The following ADCY10 variants were observed in gnomAD, a reference collection of about 807,000 sequenced individuals.
ADCY10 encodes the protein adenylate cyclase 10.
Under a neutral mutation model 183.3 loss-of-function variants are expected in ADCY10, and 156 were observed. The ratio of observed to expected loss-of-function variants is 0.85; its 90% CI spans 0.75 to 0.97. The LOEUF (loss-of-function observed/expected upper bound fraction) is 0.97. Among genes scored for constraint, ADCY10 ranks in the 50% least tolerant of loss-of-function variants. The pLI, the probability that ADCY10 is intolerant of heterozygous loss-of-function variation, is 0.00. For missense variants in ADCY10, 1,745 were observed against 1,934.3 expected (o/e 0.90, Z 1.84); for synonymous variants, 645 against 670.0 (o/e 0.96, Z 0.58).
chr1:167,856,675 T>A (rs1376326764), intron 16 of ADCY10, among the ~76,000 whole-genome samples: 3 of 152,240 alleles, frequency 2.0e-5, no homozygotes, highest in African/African-American at 7.2e-5. Flanking sequence ...GTCAAAGCTT[T>A]GTGTAAAGAT....
intron 22 of ADCY10, among the ~76,000 whole-genome samples, chr1:167,836,763 T>C (rs936393663): frequency 2.0e-5 from 3 of 151,822 alleles, no homozygotes; most frequent in African/African-American, 7.3e-5. Context: ...CGGTGGCTCA[T>C]GCCTGTAATC....
intron 14 of ADCY10, among the ~76,000 whole-genome samples, chr1:167,869,622 A>ACATTGTATGGAAGGG (rs1423054686): frequency 2.3e-4 from 35 of 152,130 alleles, no homozygotes; most frequent in Non-Finnish European, 4.1e-4. Flanking sequence ...TAGATTCCAC[A>ACATTGTATGGAAGGG]CATTGTATGG....
intron 25 of ADCY10, among the ~76,000 whole-genome samples, chr1:167,831,419 C>A (rs913583034): frequency 6.6e-6 from 1 of 152,200 alleles, no homozygotes; most frequent in Non-Finnish European, 1.5e-5. Flanking sequence ...GTCTCGAACT[C>A]CCAACTTCAG....
chr1:167,849,998 A>G (rs1437742208), intron 18 of ADCY10, among the ~76,000 whole-genome samples: 7 of 152,128 alleles, frequency 4.6e-5, no homozygotes, highest in Admixed American at 3.3e-4. Context: ...AGGGCATTAA[A>G]CACCATAATA....
At chr1:167,823,319 G>C (rs1663041981) in intron 28 of ADCY10, among the ~76,000 whole-genome samples, 196 bp from the exon 29 acceptor site, 1 of 151,792 alleles carries the variant, frequency 6.6e-6, no homozygotes, top group Non-Finnish European at 1.5e-5. Flanking sequence ...CAGCTACTTG[G>C]GAGGCTGAGG....
At chr1:167,831,695 T>C (rs1475665653) in intron 25 of ADCY10, among the ~76,000 whole-genome samples, 16 of 152,244 alleles carry the variant, frequency 1.1e-4, no homozygotes, top group Admixed American at 1.0e-3. Context: ...TTACAAAATG[T>C]GAAATGTGTA....
chr1:167,822,098 G>T lies in ADCY10; in HGVS notation c.4212C>A (p.His1404Gln). The part of the protein sequence containing the change: ...RTFEECLEFI[H>Q]QYENNRILKF... ...TGAGGATTCTGTTGTTTTCGTATTG[G>T]TGTATGAATTCCAAACATTCTTCAA... is the stretch of plus-strand genomic sequence containing the variant. The change falls in exon 30 of 33, where the codon CAC becomes CAA. Residue 1404 changes from histidine (H) to glutamine (Q), a missense_variant. Coordinates refer to ENST00000367851, the MANE Select transcript of ADCY10 (RefSeq NM_018417.6). 6.2e-7 allele frequency: 1 copy of T among 1,609,874 alleles called. No homozygotes were observed. The highest frequency in any genetic ancestry group is 8.5e-7 in the Non-Finnish European group (1 of 1,176,086).
In ADCY10 at chr1:167,809,785, A is replaced by G. The variant is rs1356377239; in HGVS notation, c.4726T>C (p.Leu1576=). 5 of 1,614,062 alleles carry G rather than the reference A, an allele frequency of 3.1e-6. No homozygotes were observed. Among genetic ancestry groups the G allele is most frequent in the African/African-American group, 2.7e-5 (2 of 74,934 alleles). The change falls in exon 33 of 33, where the codon TTG becomes CTG. Residue 1576 remains leucine, a synonymous_variant. Coordinates refer to ENST00000367851, the MANE Select transcript of ADCY10 (RefSeq NM_018417.6). ...ATTTTTTCCCATGATGGGAGACTCA[A>G]GATCGTCTGAAGCCATTGGTCTTCT... The part of the protein sequence containing the change: ...LKEDQWLQTI[L]SLPSWEKIVA...
At chr1:167,811,024 G>T in intron 31 of ADCY10, 111 bp from the exon 32 acceptor site, 1 of 1,023,294 alleles carries the variant, frequency 9.8e-7, no homozygotes, top group Non-Finnish European at 1.5e-6. Context: ...AAGCAATCAA[G>T]TGAGAAAATA....
chr1:167,881,737 A>G (rs1475710856), intron 9 of ADCY10, among the ~76,000 whole-genome samples: 1 of 152,236 alleles, frequency 6.6e-6, no homozygotes, highest in African/African-American at 2.4e-5. Flanking sequence ...GGAATAAACC[A>G]AGGCTCAGAG....
intron 21 of ADCY10, 86 bp from the exon 22 acceptor site, chr1:167,837,404 C>T (rs35986349): frequency 1.6e-6 from 2 of 1,265,976 alleles, no homozygotes; most frequent in Non-Finnish European, 1.1e-6. Context: ...ACTCTTGTTC[C>T]CTTTTCGGAG....
At chr1:167,855,078 T>C (rs1311429275) in intron 17 of ADCY10, among the ~76,000 whole-genome samples, 1 of 152,152 alleles carries the variant, frequency 6.6e-6, no homozygotes, top group Non-Finnish European at 1.5e-5. Flanking sequence ...CCCAGCACTT[T>C]GGGAGGCCGA....
chr1:167,900,538 G>GC (rs1669333899), intron 5 of ADCY10, among the ~76,000 whole-genome samples: 1 of 151,674 alleles, frequency 6.6e-6, no homozygotes, highest in Non-Finnish European at 1.5e-5. Flanking sequence ...ACTTATTTGG[G>GC]CTTTTTTTTT....
In ADCY10 at chr1:167,824,714, C is replaced by T. The variant is rs755950026; in HGVS notation, c.3892G>A (p.Val1298Met). 6 of 1,614,112 alleles carry T rather than the reference C, an allele frequency of 3.7e-6. No homozygotes were observed. Among genetic ancestry groups the T allele is most frequent in the Non-Finnish European group, 3.4e-6 (4 of 1,180,048 alleles). ...KGEGIEIVAY[V>M]AETLVFNKLI... ...TTGTTGAAGACCAGTGTCTCAGCCA[C>T]GTATGCCACGATTTCAATGCCCTCG... The change falls in exon 27 of 33, where the codon GTG (valine) becomes ATG (methionine). Residue 1298 changes from valine (V) to methionine (M), a missense_variant. Transcript: ENST00000367851.
intron 14 of ADCY10, among the ~76,000 whole-genome samples, chr1:167,862,165 T>A (rs1392710617): frequency 6.6e-6 from 1 of 152,220 alleles, no homozygotes; most frequent in East Asian, 1.9e-4. Context: ...TTATTGATAT[T>A]CAGGGCTTTG....
chr1:167,830,066 A>G (rs1353894917), intron 25 of ADCY10, among the ~76,000 whole-genome samples: 1 of 152,260 alleles, frequency 6.6e-6, no homozygotes, highest in Non-Finnish European at 1.5e-5. Flanking sequence ...GCAGACAGCT[A>G]CAGATAAAAA....
rs540745450 is a variant in ADCY10, at chr1:167,821,346, A to G, written c.4286+678T>C. ...ATGTAAGGGGCCTCTATTTGGTGCA[A>G]AGCACCAGAACTCTTTCCCCGCTTT... On this transcript the variant is annotated intron_variant, in intron 30 of 32. Transcript: ENST00000367851. The G allele has an allele frequency of 2.8e-4, 43 of 153,560 alleles. 1 individual carries two copies. In the South Asian group the frequency reaches 8.6e-3, roughly 31 times the overall value. 9.5% of individuals were successfully genotyped at this position (153,560 alleles called of 1,614,324 possible). A position where few individuals can be genotyped will look rare whatever the true frequency, so the allele number is the denominator to read the frequency against.
intron 17 of ADCY10, 40 bp from the exon 18 acceptor site, chr1:167,854,529 C>T (rs911837629): frequency 1.1e-5 from 18 of 1,612,468 alleles, no homozygotes; most frequent in East Asian, 1.1e-4. Flanking sequence ...ATTGAAGATA[C>T]ATCTTTTAGG....
Position 167,809,797 on chromosome 1 carries a change from G to A in ADCY10, c.4714C>T (p.Leu1572Phe). Residue 1572 changes from leucine to phenylalanine, a missense_variant, in exon 33 of 33, where the codon CTT becomes TTT. Transcript: ENST00000367851. The stretch of plus-strand genomic sequence containing the variant: ...GATGGGAGACTCAAGATCGTCTGAA[G>A]CCATTGGTCTTCTTTTAACTCAGAG... Reference protein sequence around the residue: ...STSELKEDQWLQTILSLPSWE... With the variant: ...STSELKEDQWFQTILSLPSWE... 1 of 1,614,122 alleles carries A rather than the reference G, an allele frequency of 6.2e-7. No homozygotes were observed. The highest frequency in any genetic ancestry group is 8.5e-7 in the Non-Finnish European group (1 of 1,179,992).
Sources: gnomAD v4.1 joint callset for allele counts (sites outside exome capture counted in the v4.1 genomes callset) on GRCh38, gnomAD v4.1.1 for gene constraint, MANE v1.5 for transcripts, NCBI Gene and HGNC (gene_info 2026-07-23, HGNC 2026-07-21) for gene names.